The following KDM6A variants were observed in gnomAD, a reference collection of about 807,000 sequenced individuals.
KDM6A encodes lysine-specific demethylase 6A.
A neutral mutation model predicts 117.6 loss-of-function variants in KDM6A; 11 were observed. That is an observed-to-expected ratio of 0.09 (90% CI 0.06 to 0.15). The LOEUF (loss-of-function observed/expected upper bound fraction) is 0.15. Among genes scored for constraint, KDM6A ranks in the 10% least tolerant of loss-of-function variants. The pLI is 1.00. For missense variants in KDM6A, 799 were observed against 1,077.3 expected, an observed-to-expected ratio of 0.74 and a Z score of 3.62; for synonymous variants, 384 against 396.1, an observed-to-expected ratio of 0.97 and a Z score of 0.36.
chrX:44,963,789 A>G (rs546795433), intron 3 of KDM6A, among the ~76,000 whole-genome samples: 28 of 110,359 alleles, frequency 2.5e-4, no homozygotes, highest in African/African-American at 9.2e-4. Context: ...GCGTGATCTC[A>G]GCTCACTGCA....
chrX:44,981,954 C>T, intron 4 of KDM6A, among the ~76,000 whole-genome samples: 1 of 111,908 alleles, frequency 8.9e-6, no homozygotes, highest in Non-Finnish European at 1.9e-5. Flanking sequence ...TGTGGTAGTG[C>T]TTCCTTGTAA....
Position 45,053,901 on chromosome X carries a change from A to G in KDM6A, c.821A>G (p.Gln274Arg). 8.3e-7 allele frequency: 1 copy of G among 1,205,772 alleles called. No individual in the cohort carries two copies. The highest frequency in any genetic ancestry group is 1.1e-6 in the Non-Finnish European group (1 of 891,219). ...TKESYAIQYL[Q>R]KSLEADPNSG... ...GAAAGCTATGCTATTCAGTATCTCC[A>G]AAAGTCCTTGGAAGCAGATCCTAAT... is the stretch of plus-strand genomic sequence containing the variant. Residue 274 changes from glutamine (Q) to arginine (R), a missense_variant, in exon 10 of 30, where the codon CAA becomes CGA. Gln to Arg is a conservative substitution (Grantham distance 43). This residue lies in a region of KDM6A where 63 missense variants were observed against 68.2 expected (regional missense o/e 0.92). Transcript: ENST00000611820.
chrX:44,873,496 G>T lies in KDM6A; in HGVS notation c.-56G>T. ...GCGCGCAGATTGGGGGCGTCACTGCGGGCCCCGGTCCGAGGGGGGGTGTCG... is the reference window on the plus strand; with the variant it reads ...GCGCGCAGATTGGGGGCGTCACTGCTGGCCCCGGTCCGAGGGGGGGTGTCG... On this transcript the variant is annotated 5_prime_UTR_variant, in exon 1 of 30. Transcript: ENST00000611820. The T allele has an allele frequency of 8.3e-7, 1 of 1,204,515 alleles. No individual in the cohort carries two copies. The highest frequency in any genetic ancestry group is 1.1e-6 in the Non-Finnish European group (1 of 891,398).
chrX:44,883,573 C>T (rs2032529743), intron 2 of KDM6A, among the ~76,000 whole-genome samples: 1 of 109,580 alleles, frequency 9.1e-6, no homozygotes, highest in Non-Finnish European at 1.9e-5. Context: ...GGGGTTTCAC[C>T]ATGTTGGCCA....
intron 2 of KDM6A, among the ~76,000 whole-genome samples, chrX:44,876,932 C>T (rs755246779): frequency 4.4e-4 from 46 of 104,318 alleles, no homozygotes; most frequent in African/African-American, 1.6e-3. Flanking sequence ...TATACATATA[C>T]GCATATACAC....
intron 2 of KDM6A, among the ~76,000 whole-genome samples, chrX:44,874,290 C>G (rs1434297008): frequency 9.0e-6 from 1 of 111,643 alleles, no homozygotes; most frequent in Non-Finnish European, 1.9e-5. Context: ...CGATGATCTT[C>G]GAGGTGCCTG....
At chrX:44,966,351 C>T (rs1174511287) in intron 3 of KDM6A, among the ~76,000 whole-genome samples, 1 of 110,275 alleles carries the variant, frequency 9.1e-6, no homozygotes, top group East Asian at 2.8e-4. Flanking sequence ...CTTTGTTTCC[C>T]AGGCTAGTCT....
intron 3 of KDM6A, among the ~76,000 whole-genome samples, chrX:44,969,103 A>C (rs112725038): frequency 0.04 from 4,484 of 111,583 alleles, 84 homozygotes; most frequent in Middle Eastern, 0.079. Context: ...AGAGGAGTGT[A>C]ATAATCATTC....
At chrX:44,913,298 GTT>G (rs11449898) in intron 2 of KDM6A, among the ~76,000 whole-genome samples, 2 of 86,525 alleles carry the variant, frequency 2.3e-5, no homozygotes, top group Non-Finnish European at 2.2e-5. Flanking sequence ...TGTGTTAACT[GTT>G]TTTTTTTTTT....
rs762694544 is a variant in KDM6A at position 44,911,282 on chromosome X, T to C, written c.225+37295T>C. Among the ~76,000 whole-genome samples the C allele has an allele frequency of 6.6e-4, 69 of 103,927 alleles. No individual in the cohort carries two copies. In the South Asian group the frequency reaches 0.028, roughly 42 times the overall value. 90.2% of individuals were successfully genotyped at this position (103,927 alleles called of 115,157 possible). On this transcript the variant is annotated intron_variant, in intron 2 of 29. Coordinates refer to ENST00000611820, the MANE Select transcript of KDM6A (RefSeq NM_001291415.2). ...CTCACTTCTCAGATGGGGTGGCTGC[T>C]GGGCGGAGGGGCTCCTCACTTCTCA...
At chrX:45,062,032 C>A (rs978160661) in intron 15 of KDM6A, among the ~76,000 whole-genome samples, 3 of 109,925 alleles carry the variant, frequency 2.7e-5, no homozygotes, top group African/African-American at 9.9e-5. Context: ...TACTAATTTC[C>A]TATCTATCAT....
At chrX:44,982,875 G>A (rs1250643991) in intron 4 of KDM6A, among the ~76,000 whole-genome samples, 1 of 111,436 alleles carries the variant, frequency 9.0e-6, no homozygotes, top group Non-Finnish European at 1.9e-5. Flanking sequence ...GAGAACTCAA[G>A]GTTCTTCTAA....
intron 7 of KDM6A, 82 bp downstream of exon 7, chrX:45,035,067 C>A (rs2147778646): frequency 1.2e-6 from 1 of 833,313 alleles, no homozygotes; most frequent in Non-Finnish European, 1.8e-6. Context: ...GTGATAAATT[C>A]TGTGCAATTT....
chrX:45,002,325 C>T lies in KDM6A; in HGVS notation c.385-8636C>T, dbSNP rs186227354. 9.0e-5 allele frequency among the ~76,000 whole-genome samples: 10 copies of T among 111,134 alleles called. No homozygotes were observed. The East Asian group carries it at 2.8e-3, about 31-fold the overall frequency. Reference sequence around the variant, plus strand: ...GACCATAAGGTAAAATTTTTATAGACTCTGTTTAACCTTTTATAATTTTTG... The same window carrying T: ...GACCATAAGGTAAAATTTTTATAGATTCTGTTTAACCTTTTATAATTTTTG... On this transcript the variant is annotated intron_variant, in intron 4 of 29. Transcript: ENST00000611820.
Position 45,085,983 on chromosome X carries a change from G to C in KDM6A, c.3704+4G>C. ...TTCTGAATGACTTCTGTGAAAAGTA[G>C]GTTTCCAAAGTAAATTTTCTTAAAA... On this transcript the variant is annotated splice_donor_region_variant and intron_variant, in intron 25 of 29. Transcript: ENST00000611820. 9.2e-7 allele frequency: 1 copy of C among 1,088,063 alleles called. No individual in the cohort carries two copies. The highest frequency in any genetic ancestry group is 1.3e-6 in the Non-Finnish European group (1 of 783,064). 89.7% of individuals were successfully genotyped at this position (1,088,063 alleles called of 1,213,427 possible). A position where few individuals can be genotyped will look rare whatever the true frequency, so the allele number is the denominator to read the frequency against.
chrX:44,970,810 A>G (rs2039303080), intron 3 of KDM6A, among the ~76,000 whole-genome samples: 2 of 112,393 alleles, frequency 1.8e-5, no homozygotes, highest in South Asian at 7.4e-4. Context: ...TTTGAAGTCT[A>G]GAAGGATCCA....
At chrX:44,994,102 T>C (rs2147431897) in intron 4 of KDM6A, among the ~76,000 whole-genome samples, 1 of 112,234 alleles carries the variant, frequency 8.9e-6, no homozygotes, top group African/African-American at 3.2e-5. Context: ...TTGTTTTTCT[T>C]GGTGAATATT....
rs1002925754 is a variant in KDM6A at position 45,080,942 on chromosome X, G to GT, written c.3300+1598dup. Among the ~76,000 whole-genome samples, 4 of 111,798 alleles carry GT rather than the reference G, an allele frequency of 3.6e-5. No individual in the cohort carries two copies. The Admixed American group carries it at 3.8e-4, about 11-fold the overall frequency. On this transcript the variant is annotated intron_variant, in intron 21 of 29. Coordinates refer to ENST00000611820, the MANE Select transcript of KDM6A (RefSeq NM_001291415.2). ...AAAGAAAGCTTGGGGTTTTGTTGTT[G>GT]TTTTTTTGAGACGGAGTTTCGCTCT...
At chrX:45,101,117 C>A (rs1012141918) in intron 27 of KDM6A, among the ~76,000 whole-genome samples, 9 of 111,341 alleles carry the variant, frequency 8.1e-5, no homozygotes, top group African/African-American at 2.9e-4. Context: ...TTTCCTAAGT[C>A]TTAGAGTCTA....
Sources: allele counts gnomAD v4.1 joint callset (sites outside exome capture counted in the v4.1 genomes callset), GRCh38; gene constraint gnomAD v4.1.1; regional missense constraint gnomAD v4.1.1; transcripts MANE v1.5; gene names NCBI Gene and HGNC (gene_info 2026-07-23, HGNC 2026-07-21).